CATSPERB: variants seen among roughly 807,000 people sequenced by gnomAD.
CATSPERB encodes the protein cation channel sperm-associated auxiliary subunit beta.
In CATSPERB, 93 loss-of-function variants were observed where a neutral mutation model predicts 128.3. The observed-to-expected ratio is 0.72, with a 90% CI of 0.61 to 0.86. CATSPERB has a LOEUF of 0.86. CATSPERB is among the 40% of genes least tolerant of loss of function. CATSPERB has a pLI of 0.00. For synonymous variants in CATSPERB, 381 were observed against 448.8 expected (o/e 0.85, Z 1.91); for missense variants, 1,153 against 1,329.5 (o/e 0.87, Z 2.06).
Position 91,580,792 on chromosome 14 carries a change from G to T in CATSPERB, c.*97C>A. The stretch of plus-strand genomic sequence containing the variant: ...TTGAATTATAATGACAATTCTTTAG[G>T]ATTTTATGTAGCTTGCATATTTAAC... On this transcript the variant is annotated 3_prime_UTR_variant, in exon 27 of 27. Transcript: ENST00000256343. 1.1e-6 allele frequency: 1 copy of T among 901,172 alleles called. No homozygotes were observed. Among genetic ancestry groups the T allele is most frequent in the Non-Finnish European group, 1.7e-6 (1 of 588,170 alleles). 55.8% of individuals were successfully genotyped at this position (901,172 alleles called of 1,614,324 possible). A position where few individuals can be genotyped will look rare whatever the true frequency, so the allele number is the denominator to read the frequency against.
At chr14:91,690,536 C>T (rs1172368553) in intron 10 of CATSPERB, among the ~76,000 whole-genome samples, 1 of 152,204 alleles carries the variant, frequency 6.6e-6, no homozygotes, top group East Asian at 1.9e-4. Context: ...TCTCTTTTCA[C>T]TCTCATTCTT....
chr14:91,706,425 G>A lies in CATSPERB; in HGVS notation c.466+1716C>T, dbSNP rs1157000702. Among the ~76,000 whole-genome samples, 6 of 152,258 alleles carry A rather than the reference G, an allele frequency of 3.9e-5. No homozygotes were observed. In the East Asian group the frequency reaches 1.2e-3, roughly 29 times the overall value. On this transcript the variant is annotated intron_variant, in intron 6 of 26. Coordinates refer to ENST00000256343, the MANE Select transcript of CATSPERB (RefSeq NM_024764.4). The stretch of plus-strand genomic sequence containing the variant: ...ACAATGCCCCCCTACTTATATACAA[G>A]TTCCTGAAGTCAGGTAGTATATCTT...
intron 13 of CATSPERB, among the ~76,000 whole-genome samples, chr14:91,670,558 T>C (rs541679458): frequency 2.2e-4 from 34 of 152,084 alleles, no homozygotes; most frequent in African/African-American, 8.0e-4. Flanking sequence ...GGCATGAACC[T>C]GTAGTCCCAG....
At chr14:91,583,899 G>A (rs1247559731) in intron 26 of CATSPERB, among the ~76,000 whole-genome samples, 3 of 151,586 alleles carry the variant, frequency 2.0e-5, no homozygotes, top group African/African-American at 4.9e-5. Flanking sequence ...TTTTCTTGAC[G>A]GAGCTTCACT....
In CATSPERB at chr14:91,653,619, G is replaced by A. The variant is rs187896952; in HGVS notation, c.1432+6218C>T. Among the ~76,000 whole-genome samples, 43 of 152,196 alleles carry A rather than the reference G, an allele frequency of 2.8e-4. 1 individual carries two copies. In the East Asian group the frequency reaches 7.3e-3, roughly 26 times the overall value. ...AGAGAAATGAGGAGGAAGCAAAAGC[G>A]GAAACCCCTTATAAACCCATAAGAT... On this transcript the variant is annotated intron_variant, in intron 15 of 26. Coordinates refer to ENST00000256343, the MANE Select transcript of CATSPERB (RefSeq NM_024764.4).
At chr14:91,701,074 C>T (rs560067358) in intron 7 of CATSPERB, among the ~76,000 whole-genome samples, 1 of 152,220 alleles carries the variant, frequency 6.6e-6, no homozygotes, top group African/African-American at 2.4e-5. Flanking sequence ...CTAGGTACTG[C>T]ATGGATCATC....
At chr14:91,581,863 A>G (rs1474553429) in intron 26 of CATSPERB, among the ~76,000 whole-genome samples, 3 of 151,988 alleles carry the variant, frequency 2.0e-5, no homozygotes, top group Admixed American at 6.6e-5. Flanking sequence ...TTTGTGGGAG[A>G]AGAACGTGCT....
At chr14:91,724,189 T>C (rs950066289) in intron 3 of CATSPERB, among the ~76,000 whole-genome samples, 5 of 152,082 alleles carry the variant, frequency 3.3e-5, no homozygotes, top group Non-Finnish European at 7.4e-5. Flanking sequence ...ATCCAAAAAG[T>C]AGGTTATAAT....
chr14:91,598,315 C>T (rs1893545302), intron 22 of CATSPERB, among the ~76,000 whole-genome samples: 1 of 151,352 alleles, frequency 6.6e-6, no homozygotes, highest in Non-Finnish European at 1.5e-5. Context: ...TAAAAGGACA[C>T]ATTTTTCTTT....
chr14:91,642,864 C>T (rs375745252), intron 15 of CATSPERB, among the ~76,000 whole-genome samples: 5 of 140,588 alleles, frequency 3.6e-5, no homozygotes, highest in African/African-American at 5.3e-5. Flanking sequence ...TGGTAAACTA[C>T]TGATTATTGC....
intron 20 of CATSPERB, among the ~76,000 whole-genome samples, chr14:91,612,483 T>A (rs1893854924): frequency 6.6e-6 from 1 of 152,152 alleles, no homozygotes; most frequent in South Asian, 2.1e-4. Flanking sequence ...TAAAATTCAC[T>A]TAGTAATCAC....
intron 20 of CATSPERB, among the ~76,000 whole-genome samples, chr14:91,615,884 C>CTTTTT (rs1491232863): frequency 1.9e-5 from 1 of 52,332 alleles, no homozygotes; most frequent in African/African-American, 5.3e-5. Context: ...ATACAGTTTT[C>CTTTTT]CTTTTTTTTT....
In CATSPERB at chr14:91,695,726, A is replaced by G. The variant is rs556585576; in HGVS notation, c.617-2247T>C. Among the ~76,000 whole-genome samples, 3 of 152,314 alleles carry G rather than the reference A, an allele frequency of 2.0e-5. No homozygotes were observed. In the South Asian group the frequency reaches 6.2e-4, roughly 32 times the overall value. On this transcript the variant is annotated intron_variant, in intron 7 of 26. Coordinates refer to ENST00000256343, the MANE Select transcript of CATSPERB (RefSeq NM_024764.4). ...TGTGATCTGGTTTATACTTGAGAAC[A>G]TCACTCTGGTGGGTGTATGGAGGCT...
intron 15 of CATSPERB, among the ~76,000 whole-genome samples, chr14:91,656,120 G>A (rs1052157344): frequency 6.6e-6 from 1 of 151,958 alleles, no homozygotes; most frequent in African/African-American, 2.4e-5. Flanking sequence ...AATATTTTCT[G>A]AGATAAAAAA....
intron 11 of CATSPERB, among the ~76,000 whole-genome samples, chr14:91,680,671 T>C (rs747200355): frequency 1.3e-5 from 2 of 151,632 alleles, no homozygotes; most frequent in Non-Finnish European, 3.0e-5. Flanking sequence ...ATGACAGACC[T>C]GGGAAAGGTA....
intron 7 of CATSPERB, among the ~76,000 whole-genome samples, chr14:91,703,088 T>G (rs1465825072): frequency 1.3e-5 from 2 of 152,126 alleles, no homozygotes; most frequent in East Asian, 1.9e-4. Flanking sequence ...TGGATTTTTT[T>G]GTAGGTATAC....
chr14:91,657,076 C>A (rs1439205291), intron 15 of CATSPERB, among the ~76,000 whole-genome samples: 1 of 152,034 alleles, frequency 6.6e-6, no homozygotes, highest in Non-Finnish European at 1.5e-5. Context: ...GAGAATTCAA[C>A]AACCCATGTT....
chr14:91,730,818 A>G (rs1896198041), intron 1 of CATSPERB, among the ~76,000 whole-genome samples: 3 of 152,214 alleles, frequency 2.0e-5, no homozygotes, highest in Admixed American at 2.0e-4. Context: ...TTTAATTGAC[A>G]ATAGAAAGCT....
intron 4 of CATSPERB, among the ~76,000 whole-genome samples, chr14:91,722,821 T>C (rs1330651075): frequency 6.6e-6 from 1 of 152,140 alleles, no homozygotes; most frequent in Non-Finnish European, 1.5e-5. Flanking sequence ...TGAAGGACAG[T>C]ATAAATAATA....
Sources: gnomAD v4.1 joint callset for allele counts (sites outside exome capture counted in the v4.1 genomes callset) on GRCh38, gnomAD v4.1.1 for gene constraint, MANE v1.5 for transcripts, NCBI Gene and HGNC (gene_info 2026-07-23, HGNC 2026-07-21) for gene names.